The following IL2RA variants were observed in gnomAD, a reference collection of about 807,000 sequenced individuals.
IL2RA encodes interleukin 2 receptor subunit alpha.
In IL2RA, 24 loss-of-function variants were observed where a neutral mutation model predicts 37.8. The observed-to-expected ratio is 0.63, with a 90% CI of 0.46 to 0.89. The LOEUF (loss-of-function observed/expected upper bound fraction) is 0.89. Among genes scored for constraint, IL2RA ranks in the 40% least tolerant of loss-of-function variants. The pLI, the probability that IL2RA is intolerant of heterozygous loss-of-function variation, is 0.00. For synonymous variants in IL2RA, 125 were observed against 114.6 expected (o/e 1.09, Z -0.58); for missense variants, 319 against 348.6 (o/e 0.92, Z 0.68).
intron 1 of IL2RA, among the ~76,000 whole-genome samples, chr10:6,042,727 G>C (rs1839791311): frequency 6.6e-6 from 1 of 152,100 alleles, no homozygotes; most frequent in African/African-American, 2.4e-5. Flanking sequence ...TATGAACAAG[G>C]AGGCCACAGA....
Position 6,035,330 on chromosome 10 carries a change from T to C in IL2RA, c.65-9305A>G, listed in dbSNP as rs1229309352. Among the ~76,000 whole-genome samples the C allele has an allele frequency of 6.6e-6, 1 of 152,204 alleles. No individual in the cohort carries two copies. Among genetic ancestry groups the C allele is most frequent in the East Asian group, 1.9e-4 (1 of 5,186 alleles). ...GATGGAGAGTGAGGGCCTGCCTTCATGGCAGTAGGCTCTGAGTGGGTGACT... is the reference window on the plus strand; with the variant it reads ...GATGGAGAGTGAGGGCCTGCCTTCACGGCAGTAGGCTCTGAGTGGGTGACT... On this transcript the variant is annotated intron_variant, in intron 1 of 7. Transcript: ENST00000379959. This position sits in a 1 kb window ranked among gnomAD's most constrained non-coding sequence, Gnocchi z 5.4.
At chr10:6,050,391 C>G (rs1190337209) in intron 1 of IL2RA, among the ~76,000 whole-genome samples, 2 of 152,168 alleles carry the variant, frequency 1.3e-5, no homozygotes, top group Non-Finnish European at 1.5e-5. Flanking sequence ...AATCCCAGCA[C>G]TTTGGGAGGC....
In IL2RA at chr10:6,047,908, G is replaced by C. The variant is rs1839892441; in HGVS notation, c.64+14180C>G. Among the ~76,000 whole-genome samples the C allele has an allele frequency of 6.6e-6, 1 of 152,152 alleles. No homozygotes were observed. Among genetic ancestry groups the C allele is most frequent in the African/African-American group, 2.4e-5 (1 of 41,420 alleles). ...CTTATGCAGTAATTAATTATGAGGT[G>C]ATGTGTTCTTCTCATCTCCGTTCTC... On this transcript the variant is annotated intron_variant, in intron 1 of 7. Coordinates refer to ENST00000379959, the MANE Select transcript of IL2RA (RefSeq NM_000417.3). This position sits in a 1 kb window ranked among gnomAD's most constrained non-coding sequence, Gnocchi z 5.0.
intron 2 of IL2RA, among the ~76,000 whole-genome samples, chr10:6,024,975 A>G (rs1341023719): frequency 1.3e-5 from 2 of 152,350 alleles, no homozygotes; most frequent in Admixed American, 1.3e-4. Context: ...GCTCACACCT[A>G]TAATTCCAGC....
intron 1 of IL2RA, among the ~76,000 whole-genome samples, chr10:6,059,324 C>T (rs1238890526): frequency 6.6e-6 from 1 of 152,216 alleles, no homozygotes; most frequent in African/African-American, 2.4e-5. Flanking sequence ...AGACCAGGTT[C>T]AAACCCTGGC....
chr10:6,019,802 C>G (rs1839351698), intron 5 of IL2RA, 68 bp downstream of exon 5: 1 of 1,432,010 alleles, frequency 7.0e-7, no homozygotes, highest in Non-Finnish European at 9.9e-7. Context: ...CTCCCTGAGC[C>G]TGGCTCCTGG....
rs1423198256 is a variant in IL2RA at position 6,012,764 on chromosome 10, C to T, written c.*108G>A. 3.5e-5 allele frequency: 41 copies of T among 1,179,430 alleles called. No individual in the cohort carries two copies. The highest frequency in any genetic ancestry group is 1.9e-4 in the Middle Eastern group (1 of 5,220). The allele number at this position is 1,179,430 out of a possible 1,614,324, so 73.1% of individuals were successfully genotyped here. A position where few individuals can be genotyped will look rare whatever the true frequency, so the allele number is the denominator to read the frequency against. ...GCTTCCAAAACGCAGGCAAGCACAA[C>T]GGATGTCTCCTGGGCGACCATTTAG... On this transcript the variant is annotated 3_prime_UTR_variant, in exon 8 of 8. Coordinates refer to ENST00000379959, the MANE Select transcript of IL2RA (RefSeq NM_000417.3). The surrounding 1 kb of genome is among the most constrained non-coding windows in gnomAD (Gnocchi z 4.8).
Position 6,025,954 on chromosome 10 carries a change from T to C in IL2RA, c.136A>G (p.Met46Val). 2 of 1,614,202 alleles carry C rather than the reference T, an allele frequency of 1.2e-6. No individual in the cohort carries two copies. The highest frequency in any genetic ancestry group is 8.5e-7 in the Non-Finnish European group (1 of 1,180,034). ...CCTCTCTTGCATTCACAGTTCAACA[T>C]GGTTCCTTCCTTGTAGGCCATGGCT... The part of the protein sequence containing the change: ...FKAMAYKEGT[M>V]LNCECKRGFR... Residue 46 changes from methionine (M) to valine (V), a missense_variant, in exon 2 of 8, where the codon ATG (methionine) becomes GTG (valine). By Grantham distance (21) the Met-to-Val change is conservative. Transcript: ENST00000379959. This position sits in a 1 kb window ranked among gnomAD's most constrained non-coding sequence, Gnocchi z 4.4.
At chr10:6,041,116 CT>C (rs34852465) in intron 1 of IL2RA, among the ~76,000 whole-genome samples, 242 of 126,474 alleles carry the variant, frequency 1.9e-3, no homozygotes, top group African/African-American at 3.6e-3. Context: ...TGAGTTAATT[CT>C]TTTTTTTTTT....
rs1226864593 is a variant in IL2RA at position 6,020,952 on chromosome 10, T to TGTGC, written c.583+525_583+526insGCAC. Among the ~76,000 whole-genome samples, 223 of 143,542 alleles carry TGTGC rather than the reference T, an allele frequency of 1.6e-3. No individual in the cohort carries two copies. Among genetic ancestry groups the TGTGC allele is most frequent in the Non-Finnish European group, 2.8e-3 (182 of 64,664 alleles). 94.2% of individuals were successfully genotyped at this position (143,542 alleles called of 152,430 possible). On this transcript the variant is annotated intron_variant, in intron 4 of 7. Transcript: ENST00000379959. The surrounding 1 kb of genome is among the most constrained non-coding windows in gnomAD (Gnocchi z 5.6). The stretch of plus-strand genomic sequence containing the variant: ...GAGTATGTGTGTGTGTGTGTGTGTG[T>TGTGC]GCGCGCATGTGCACTGAGTAAGTCC...
chr10:6,059,286 CA>C (rs1176019472), intron 1 of IL2RA, among the ~76,000 whole-genome samples: 1 of 152,186 alleles, frequency 6.6e-6, no homozygotes, highest in Non-Finnish European at 1.5e-5. Flanking sequence ...ACCCTGTTTG[CA>C]ATGAACAGAA....
Position 6,011,017 on chromosome 10 carries a change from G to A in IL2RA, c.*1855C>T, listed in dbSNP as rs1452703721. Reference sequence around the variant, plus strand: ...GGGGAGGGGGAGAGTGCACAGATGAGTCTGTTTGTATGTGGTTGGTCACAG... The same window carrying A: ...GGGGAGGGGGAGAGTGCACAGATGAATCTGTTTGTATGTGGTTGGTCACAG... On this transcript the variant is annotated 3_prime_UTR_variant, in exon 8 of 8. Transcript: ENST00000379959. This position sits in a 1 kb window ranked among gnomAD's most constrained non-coding sequence, Gnocchi z 5.2. 4 of 152,296 alleles carry A rather than the reference G, an allele frequency of 2.6e-5. No individual in the cohort carries two copies. Among genetic ancestry groups the A allele is most frequent in the Non-Finnish European group, 5.9e-5 (4 of 68,036 alleles). 9.4% of individuals were successfully genotyped at this position (152,296 alleles called of 1,614,324 possible).
Position 6,013,553 on chromosome 10 carries a change from A to G in IL2RA, c.795-657T>C, listed in dbSNP as rs535800496. On this transcript the variant is annotated intron_variant, in intron 7 of 7. Coordinates refer to ENST00000379959, the MANE Select transcript of IL2RA (RefSeq NM_000417.3). ...GGTGTGCTGGTGATGTTTAACAAGC[A>G]GCTCTCTGATGACGGTTGCCTGTCT... is the stretch of plus-strand genomic sequence containing the variant. Among the ~76,000 whole-genome samples, 27 of 152,266 alleles carry G rather than the reference A, an allele frequency of 1.8e-4. No homozygotes were observed. The East Asian group carries it at 5.2e-3, about 29-fold the overall frequency.
In IL2RA at chr10:6,056,568, A is replaced by G. The variant is rs916565485; in HGVS notation, c.64+5520T>C. Among the ~76,000 whole-genome samples the G allele has an allele frequency of 6.6e-6, 1 of 152,124 alleles. No individual in the cohort carries two copies. The highest frequency in any genetic ancestry group is 6.5e-5 in the Admixed American group (1 of 15,276). On this transcript the variant is annotated intron_variant, in intron 1 of 7. Coordinates refer to ENST00000379959, the MANE Select transcript of IL2RA (RefSeq NM_000417.3). This position sits in a 1 kb window ranked among gnomAD's most constrained non-coding sequence, Gnocchi z 5.0. ...GGAGTTCAAGACCAGCCTACGCAACATAGCAAAAACCCCCTCTCTACTAAA... is the reference window on the plus strand; with the variant it reads ...GGAGTTCAAGACCAGCCTACGCAACGTAGCAAAAACCCCCTCTCTACTAAA...
At chr10:6,043,436 G>C (rs1020873388) in intron 1 of IL2RA, among the ~76,000 whole-genome samples, 1 of 151,786 alleles carries the variant, frequency 6.6e-6, no homozygotes, top group Admixed American at 6.6e-5. Flanking sequence ...GTTTTTGTTT[G>C]TGTTTGTTTT....
chr10:6,027,558 A>G (rs1008565919), intron 1 of IL2RA, among the ~76,000 whole-genome samples: 1 of 152,214 alleles, frequency 6.6e-6, no homozygotes, highest in Admixed American at 6.5e-5. Context: ...CAAGCTACAT[A>G]GTTTTATTAT....
chr10:6,031,496 A>ATATATATATG (rs1839588305), intron 1 of IL2RA, among the ~76,000 whole-genome samples: 2 of 66,598 alleles, frequency 3.0e-5, no homozygotes, highest in African/African-American at 1.1e-4. Flanking sequence ...ATATATATGT[A>ATATATATATG]TATATATATA....
At chr10:6,023,934 G>A (rs905784711) in intron 3 of IL2RA, among the ~76,000 whole-genome samples, 1 of 152,208 alleles carries the variant, frequency 6.6e-6, no homozygotes, top group Non-Finnish European at 1.5e-5. Context: ...AGCAGGGCCT[G>A]GCACACAGAC....
At chr10:6,034,112 C>A (rs151192408) in intron 1 of IL2RA, among the ~76,000 whole-genome samples, 4 of 152,088 alleles carry the variant, frequency 2.6e-5, no homozygotes, top group Non-Finnish European at 4.4e-5. Flanking sequence ...CATGAGAGTG[C>A]GTTTTTCTAG....
Sources: allele counts gnomAD v4.1 joint callset (sites outside exome capture counted in the v4.1 genomes callset), GRCh38; gene constraint gnomAD v4.1.1; non-coding constraint Gnocchi (gnomAD v3.1); transcripts MANE v1.5; gene names NCBI Gene and HGNC (gene_info 2026-07-23, HGNC 2026-07-21).